EXOC6B: variants seen among roughly 807,000 people sequenced by gnomAD.
The protein encoded by EXOC6B is SEC15 homolog B.
Under a neutral mutation model 113.5 loss-of-function variants are expected in EXOC6B, and 54 were observed. The ratio of observed to expected loss-of-function variants is 0.48; its 90% CI spans 0.38 to 0.60. The LOEUF (loss-of-function observed/expected upper bound fraction) is 0.60. Among genes scored for constraint, EXOC6B ranks in the 20% least tolerant of loss-of-function variants. EXOC6B has a pLI of 0.00. For synonymous variants in EXOC6B, 357 were observed against 339.0 expected (o/e 1.05, Z -0.58); for missense variants, 797 against 977.5 (o/e 0.82, Z 2.46).
intron 6 of EXOC6B, among the ~76,000 whole-genome samples, chr2:72,668,646 C>T (rs1008606342): frequency 1.3e-5 from 2 of 152,114 alleles, no homozygotes; most frequent in African/African-American, 4.8e-5. Context: ...AGCCATTATC[C>T]TAAGTAAACT....
intron 20 of EXOC6B, among the ~76,000 whole-genome samples, chr2:72,190,198 A>AG (rs1472064576): frequency 2.0e-5 from 3 of 151,590 alleles, no homozygotes; most frequent in African/African-American, 4.9e-5. Context: ...TGACCAGGTT[A>AG]ACTTTTAAAT....
intron 5 of EXOC6B, among the ~76,000 whole-genome samples, chr2:72,722,573 AG>A (rs1338124787): frequency 6.6e-6 from 1 of 152,194 alleles, no homozygotes; most frequent in Non-Finnish European, 1.5e-5. Context: ...TAGAAATAAA[AG>A]TACAAATATA....
chr2:72,565,588 G>A (rs1431365623), intron 7 of EXOC6B, among the ~76,000 whole-genome samples: 3 of 151,780 alleles, frequency 2.0e-5, no homozygotes, highest in Non-Finnish European at 4.4e-5. Flanking sequence ...CTAATATATA[G>A]AGAACCAATA....
chr2:72,296,778 C>A (rs1252173708), intron 20 of EXOC6B, among the ~76,000 whole-genome samples: 1 of 152,050 alleles, frequency 6.6e-6, no homozygotes, highest in African/African-American at 2.4e-5. Flanking sequence ...GCAAGATAAA[C>A]ACAATGGTTT....
At chr2:72,780,991 A>T (rs1684003309) in intron 1 of EXOC6B, among the ~76,000 whole-genome samples, 1 of 152,204 alleles carries the variant, frequency 6.6e-6, no homozygotes. Context: ...ACAAGTGATC[A>T]AATTCCTAAC....
At chr2:72,769,508 G>A (rs1395068349) in intron 1 of EXOC6B, among the ~76,000 whole-genome samples, 1 of 152,066 alleles carries the variant, frequency 6.6e-6, no homozygotes, top group Non-Finnish European at 1.5e-5. Context: ...TTTGAGTAAT[G>A]TCTAATAACT....
intron 6 of EXOC6B, among the ~76,000 whole-genome samples, chr2:72,624,288 G>A (rs996653952): frequency 6.6e-6 from 1 of 152,004 alleles, no homozygotes; most frequent in Non-Finnish European, 1.5e-5. Flanking sequence ...TGTAGAGACA[G>A]GGGTTTTGCT....
At chr2:72,664,809 T>C (rs1046910081) in intron 6 of EXOC6B, among the ~76,000 whole-genome samples, 2 of 152,234 alleles carry the variant, frequency 1.3e-5, no homozygotes, top group Admixed American at 6.5e-5. Context: ...TTGTGCAGCC[T>C]GGGTGCTATG....
chr2:72,310,409 T>A (rs1687115163), intron 20 of EXOC6B, among the ~76,000 whole-genome samples: 1 of 152,216 alleles, frequency 6.6e-6, no homozygotes, highest in Admixed American at 6.5e-5. Context: ...CATCTTATCA[T>A]GTGCTTATTG....
intron 6 of EXOC6B, among the ~76,000 whole-genome samples, chr2:72,645,678 C>G (rs1057411499): frequency 6.6e-6 from 1 of 152,176 alleles, no homozygotes; most frequent in Non-Finnish European, 1.5e-5. Context: ...GAACAACCTG[C>G]TCCTGAATGA....
intron 6 of EXOC6B, among the ~76,000 whole-genome samples, chr2:72,638,030 C>T (rs1672968579): frequency 1.3e-5 from 2 of 151,844 alleles, no homozygotes; most frequent in East Asian, 1.9e-4. Context: ...AATAAATGAA[C>T]TTGAAACAAA....
intron 6 of EXOC6B, among the ~76,000 whole-genome samples, chr2:72,676,515 T>G (rs1676325464): frequency 6.6e-6 from 1 of 152,022 alleles, no homozygotes; most frequent in African/African-American, 2.4e-5. Flanking sequence ...GAAAAAAAAA[T>G]ACATCTTTTA....
intron 19 of EXOC6B, among the ~76,000 whole-genome samples, chr2:72,370,015 T>C (rs1017819930): frequency 1.4e-4 from 22 of 152,092 alleles, no homozygotes; most frequent in Non-Finnish European, 2.5e-4. Flanking sequence ...ACAAATGGGA[T>C]CTCATTAAAC....
intron 6 of EXOC6B, among the ~76,000 whole-genome samples, chr2:72,580,985 C>T (rs551898528): frequency 1.3e-5 from 2 of 152,314 alleles, no homozygotes; most frequent in African/African-American, 4.8e-5. Context: ...CTAACTCTTA[C>T]TTCTGTTCCA....
chr2:72,401,550 T>TATATATATATATATAC (rs1693222185), intron 18 of EXOC6B, among the ~76,000 whole-genome samples: 5 of 21,994 alleles, frequency 2.3e-4, no homozygotes, highest in South Asian at 1.3e-3. Flanking sequence ...TATATGTGTA[T>TATATATATATATATAC]ATATATATAT....
At chr2:72,218,080 T>C (rs2104413938) in intron 20 of EXOC6B, among the ~76,000 whole-genome samples, 1 of 152,264 alleles carries the variant, frequency 6.6e-6, no homozygotes. Context: ...GGAGAACCCA[T>C]GCTATTAGGG....
intron 17 of EXOC6B, among the ~76,000 whole-genome samples, chr2:72,480,398 T>C (rs1301639278): frequency 6.6e-6 from 1 of 152,232 alleles, no homozygotes; most frequent in Non-Finnish European, 1.5e-5. Flanking sequence ...GACACAGTTG[T>C]AGTTGTTTCA....
chr2:72,176,645 A>G lies in EXOC6B; in HGVS notation c.*2690T>C, dbSNP rs1019668219. The stretch of plus-strand genomic sequence containing the variant: ...ACAGCTTCATTTATAGCCTGCTCAA[A>G]GAGATTTTCCCTATGAATGTTAAAA... On this transcript the variant is annotated 3_prime_UTR_variant, in exon 22 of 22. Transcript: ENST00000272427. 6.6e-6 allele frequency: 1 copy of G among 152,230 alleles called. No homozygotes were observed. Among genetic ancestry groups the G allele is most frequent in the African/African-American group, 2.4e-5 (1 of 41,460 alleles). 9.4% of individuals were successfully genotyped at this position (152,230 alleles called of 1,614,324 possible).
At chr2:72,530,913 C>T (rs1159070601) in intron 8 of EXOC6B, among the ~76,000 whole-genome samples, 1 of 152,092 alleles carries the variant, frequency 6.6e-6, no homozygotes, top group Non-Finnish European at 1.5e-5. Context: ...CTTTGATCAA[C>T]ATTTGCATGT....
Sources: allele counts gnomAD v4.1 joint callset (sites outside exome capture counted in the v4.1 genomes callset), GRCh38; gene constraint gnomAD v4.1.1; transcripts MANE v1.5; gene names NCBI Gene and HGNC (gene_info 2026-07-23, HGNC 2026-07-21).